The following PI4K2A variants were observed in gnomAD, a reference collection of about 807,000 sequenced individuals.
PI4K2A encodes phosphatidylinositol 4-kinase type 2-alpha.
PI4K2A carries 20 observed loss-of-function variants against 55.0 expected under a neutral mutation model. The ratio of observed to expected loss-of-function variants is 0.36; its 90% confidence interval spans 0.26 to 0.53. The LOEUF (loss-of-function observed/expected upper bound fraction) is 0.53. Among genes scored for constraint, PI4K2A ranks in the 20% least tolerant of loss-of-function variants. PI4K2A has a pLI of 0.91. For missense variants in PI4K2A, 463 were observed against 637.1 expected, an observed-to-expected ratio of 0.73 and a Z score of 2.94; for synonymous variants, 235 against 258.5, an observed-to-expected ratio of 0.91 and a Z score of 0.87.
rs146627600 is a variant in PI4K2A at position 97,672,725 on chromosome 10, CT to C, written c.1279-832del. Among the ~76,000 whole-genome samples the C allele has an allele frequency of 1.5e-3, 129 of 83,966 alleles. No homozygotes were observed. In the South Asian group the frequency reaches 0.018, roughly 11 times the overall value. 55.1% of individuals were successfully genotyped at this position (83,966 alleles called of 152,430 possible). The stretch of plus-strand genomic sequence containing the variant: ...GAATTGCCGAGTCAGAGGGTCTGTT[CT>C]TTTTTTTTTTTTTTTTTTTTTTTGA... On this transcript the variant is annotated intron_variant, in intron 8 of 8. Coordinates refer to ENST00000370631, the Ensembl canonical transcript of PI4K2A.
chr10:97,673,965 C>A (rs371882651), exon 9 of PI4K2A: 15 of 517,296 alleles, frequency 2.9e-5, no homozygotes, highest in African/African-American at 2.9e-4. Context: ...GAGCTCCATG[C>A]ACGTAGTCCA....
exon 9 of PI4K2A, chr10:97,673,742 G>A (rs1046602133): frequency 6.2e-7 from 1 of 1,613,736 alleles, no homozygotes; most frequent in African/African-American, 1.3e-5. Flanking sequence ...CATGGTGGTA[G>A]CTCCAGAGGC....
intron 5 of PI4K2A, 72 bp from the exon 6 acceptor site, chr10:97,664,813 T>G (rs1176318507): frequency 1.0e-5 from 10 of 953,918 alleles, no homozygotes; most frequent in Non-Finnish European, 1.4e-5. Flanking sequence ...TGGGATGAGT[T>G]GCTTTGCTAC....
At chr10:97,667,821 T>C (rs2041616811) in intron 8 of PI4K2A, among the ~76,000 whole-genome samples, 1 of 152,208 alleles carries the variant, frequency 6.6e-6, no homozygotes, top group Non-Finnish European at 1.5e-5. Flanking sequence ...GTTTTCTTGT[T>C]CATAAAACAG....
At chr10:97,666,755 T>C (rs544631270) in intron 7 of PI4K2A, among the ~76,000 whole-genome samples, 184 bp downstream of exon 7, 143 of 152,210 alleles carry the variant, frequency 9.4e-4, no homozygotes, top group Non-Finnish European at 1.6e-3. Flanking sequence ...TTGAGAGAAA[T>C]GGGCAGGGGT....
intron 8 of PI4K2A, among the ~76,000 whole-genome samples, chr10:97,672,954 G>A (rs1454847459): frequency 6.7e-6 from 1 of 148,236 alleles, no homozygotes; most frequent in Non-Finnish European, 1.5e-5. Context: ...GTTAGGATCT[G>A]TTCATTTTTA....
At chr10:97,647,898 C>T (rs2041512869) in intron 1 of PI4K2A, among the ~76,000 whole-genome samples, 1 of 149,224 alleles carries the variant, frequency 6.7e-6, no homozygotes, top group South Asian at 2.1e-4. Context: ...GCAATCTTGG[C>T]CTTCAAGTTC....
At chr10:97,651,999 C>T (rs904815466) in intron 2 of PI4K2A, among the ~76,000 whole-genome samples, 3 of 152,088 alleles carry the variant, frequency 2.0e-5, no homozygotes, top group Non-Finnish European at 4.4e-5. Flanking sequence ...TCATCTGATG[C>T]CCTGAGGCTG....
chr10:97,649,246 G>T (rs1003493101), intron 1 of PI4K2A, among the ~76,000 whole-genome samples: 1 of 152,148 alleles, frequency 6.6e-6, no homozygotes, highest in Non-Finnish European at 1.5e-5. Context: ...TAGCATATTT[G>T]CTTTTTTCCT....
chr10:97,644,976 G>C (rs1262496843), intron 1 of PI4K2A, among the ~76,000 whole-genome samples: 9 of 151,928 alleles, frequency 5.9e-5, no homozygotes, highest in Admixed American at 5.9e-4. Flanking sequence ...GTCTCAGTGG[G>C]GTCCAAGAAC....
chr10:97,651,194 G>C lies in PI4K2A; in HGVS notation c.636+53G>C, dbSNP rs566743254. 1.6e-5 allele frequency: 23 copies of C among 1,401,586 alleles called. No individual in the cohort carries two copies. In the South Asian group the frequency reaches 2.4e-4, roughly 15 times the overall value. The allele number at this position is 1,401,586 out of a possible 1,614,324, so 86.8% of individuals were successfully genotyped here. A position where few individuals can be genotyped will look rare whatever the true frequency, so the allele number is the denominator to read the frequency against. On this transcript the variant is annotated intron_variant, in intron 2 of 8. Transcript: ENST00000370631. ...ACTGCCTGGCCACAGTTTTCCTGGGGCCTAAGCCCTGCTACATGTTAGTGG... is the reference window on the plus strand; with the variant it reads ...ACTGCCTGGCCACAGTTTTCCTGGGCCCTAAGCCCTGCTACATGTTAGTGG...
At chr10:97,667,691 T>C (rs2041616411) in intron 8 of PI4K2A, among the ~76,000 whole-genome samples, 1 of 152,224 alleles carries the variant, frequency 6.6e-6, no homozygotes, top group African/African-American at 2.4e-5. Flanking sequence ...GTAATTAAAC[T>C]AATGCTCTCT....
At chr10:97,655,885 T>A (rs1397118849) in intron 2 of PI4K2A, among the ~76,000 whole-genome samples, 1 of 152,106 alleles carries the variant, frequency 6.6e-6, no homozygotes, top group Non-Finnish European at 1.5e-5. Flanking sequence ...AGGAGTGTAT[T>A]TCTTGATTAC....
upstream of PI4K2A, chr10:97,640,684 C>G: frequency 7.9e-7 from 1 of 1,268,150 alleles, no homozygotes; most frequent in Non-Finnish European, 1.0e-6. Context: ...ACGGATTGGT[C>G]GCGGCCGCGA....
chr10:97,669,976 A>G (rs1233004931), intron 8 of PI4K2A, among the ~76,000 whole-genome samples: 8 of 152,190 alleles, frequency 5.3e-5, no homozygotes, highest in Admixed American at 4.6e-4. Context: ...GCCCAATTGT[A>G]GACCACTGCA....
intron 5 of PI4K2A, 102 bp downstream of exon 5, chr10:97,663,070 CGGG>C: frequency 2.5e-6 from 2 of 800,024 alleles, no homozygotes; most frequent in South Asian, 2.9e-5. Context: ...TCAGAAGAAT[CGGG>C]GGGCGCATAT....
At chr10:97,644,624 G>A (rs993989176) in intron 1 of PI4K2A, among the ~76,000 whole-genome samples, 4 of 152,090 alleles carry the variant, frequency 2.6e-5, no homozygotes, top group African/African-American at 7.2e-5. Context: ...CAAGATGGCC[G>A]CTCAAGCTGC....
intron 2 of PI4K2A, among the ~76,000 whole-genome samples, chr10:97,655,105 C>T (rs563950057): frequency 2.0e-5 from 3 of 152,250 alleles, no homozygotes; most frequent in Admixed American, 6.5e-5. Flanking sequence ...CACAGTGGCT[C>T]ATGCCTGTAA....
chr10:97,673,064 G>A (rs1295806043), intron 8 of PI4K2A, among the ~76,000 whole-genome samples: 1 of 151,468 alleles, frequency 6.6e-6, no homozygotes, highest in Admixed American at 6.6e-5. Flanking sequence ...TCGGCTCACT[G>A]CAACCTCCGC....
Sources: allele counts gnomAD v4.1 joint callset (sites outside exome capture counted in the v4.1 genomes callset), GRCh38; gene constraint gnomAD v4.1.1; transcripts MANE v1.5; gene names NCBI Gene and HGNC (gene_info 2026-07-23, HGNC 2026-07-21).